The following CATSPERT variants were observed in gnomAD, a reference collection of about 807,000 sequenced individuals.
The protein encoded by CATSPERT is catsper channel auxiliary subunit tau.
the CATSPERT span, among the ~76,000 whole-genome samples, chr2:201,562,229 C>G: frequency 6.8e-6 from 1 of 147,690 alleles, no homozygotes; most frequent in East Asian, 2.0e-4. Context: ...GCACTGTCTC[C>G]CAGGCTGGAG....
At chr2:201,580,248 T>A in the CATSPERT span, among the ~76,000 whole-genome samples, 71 of 152,372 alleles carry the variant, frequency 4.7e-4, no homozygotes, top group African/African-American at 1.7e-3. Context: ...CAATTCATTA[T>A]GCTAAATTCG....
chr2:201,536,091 A>G, the CATSPERT span: 1 of 1,613,418 alleles, frequency 6.2e-7, no homozygotes, highest in Non-Finnish European at 8.5e-7. Flanking sequence ...TAATGGAAAA[A>G]ATACATTTTT....
the CATSPERT span, chr2:201,511,856 A>C: frequency 6.0e-5 from 9 of 149,682 alleles, no homozygotes; most frequent in African/African-American, 2.2e-4. Context: ...AAAAAAAAAA[A>C]AAAAAAAAAA....
chr2:201,562,810 T>G, the CATSPERT span, among the ~76,000 whole-genome samples: 1 of 115,170 alleles, frequency 8.7e-6, no homozygotes, highest in Non-Finnish European at 1.8e-5. Context: ...CAGCACATGT[T>G]TCAGAGAGCA....
chr2:201,516,918 G>A, the CATSPERT span, among the ~76,000 whole-genome samples: 2 of 137,474 alleles, frequency 1.5e-5, no homozygotes, highest in Non-Finnish European at 3.1e-5. Context: ...TAAAGCTGGA[G>A]TAATAGGAAG....
the CATSPERT span, among the ~76,000 whole-genome samples, chr2:201,562,885 A>T: frequency 6.9e-6 from 1 of 145,166 alleles, no homozygotes; most frequent in Non-Finnish European, 1.5e-5. Flanking sequence ...CTTAGTACAG[A>T]ACAAAATGAA....
the CATSPERT span, among the ~76,000 whole-genome samples, chr2:201,520,600 A>G: frequency 0.068 from 10,363 of 152,308 alleles, 451 homozygotes; most frequent in Middle Eastern, 0.11. Context: ...ATTAAAGTTC[A>G]TTGAGGGTCA....
the CATSPERT span, among the ~76,000 whole-genome samples, chr2:201,587,302 T>C: frequency 3.0e-4 from 45 of 152,306 alleles, no homozygotes; most frequent in African/African-American, 8.2e-4. Flanking sequence ...TCTAGTGCTC[T>C]TCCTTCCTGT....
the CATSPERT span, among the ~76,000 whole-genome samples, chr2:201,510,562 G>T: frequency 6.6e-6 from 1 of 152,180 alleles, no homozygotes; most frequent in Non-Finnish European, 1.5e-5. Flanking sequence ...CCACACTAGG[G>T]ATTGGGGCTG....
the CATSPERT span, chr2:201,536,284 G>C: frequency 6.8e-6 from 11 of 1,611,674 alleles, no homozygotes; most frequent in African/African-American, 1.3e-5. Flanking sequence ...TTCAAAGTTG[G>C]TATAGTCAGG....
the CATSPERT span, among the ~76,000 whole-genome samples, chr2:201,533,116 G>A: frequency 4.6e-5 from 7 of 152,218 alleles, no homozygotes; most frequent in African/African-American, 1.2e-4. Flanking sequence ...ATATTTAGAA[G>A]TGTAACATTT....
chr2:201,506,984 C>T, the CATSPERT span, among the ~76,000 whole-genome samples: 3 of 152,168 alleles, frequency 2.0e-5, no homozygotes, highest in Admixed American at 1.3e-4. Context: ...GAATCTGTAA[C>T]AAGAATGCCT....
the CATSPERT span, among the ~76,000 whole-genome samples, chr2:201,521,561 C>T: frequency 6.6e-6 from 1 of 152,198 alleles, no homozygotes; most frequent in Non-Finnish European, 1.5e-5. Context: ...ATGATGCAAT[C>T]ATCTCCCACA....
the CATSPERT span, chr2:201,534,744 T>C: frequency 2.0e-6 from 2 of 976,644 alleles, no homozygotes; most frequent in Non-Finnish European, 2.4e-6. Flanking sequence ...CATTAGGAGA[T>C]AATCACAGAT....
the CATSPERT span, among the ~76,000 whole-genome samples, chr2:201,538,900 T>C: frequency 3.3e-5 from 5 of 152,170 alleles, no homozygotes; most frequent in Non-Finnish European, 5.9e-5. Context: ...CTCCCACTTA[T>C]AAGTAAGAAC....
chr2:201,552,388 GACATT>G, the CATSPERT span, among the ~76,000 whole-genome samples: 22 of 152,136 alleles, frequency 1.4e-4, no homozygotes, highest in African/African-American at 5.3e-4. Flanking sequence ...GAAAAATTAT[GACATT>G]ACAAGAATAA....
chr2:201,592,240 A>G, the CATSPERT span, among the ~76,000 whole-genome samples: 1 of 151,368 alleles, frequency 6.6e-6, no homozygotes, highest in African/African-American at 2.4e-5. Flanking sequence ...TGAGATAATC[A>G]TGTGGTTTTT....
At chr2:201,515,136 A>T in the CATSPERT span, among the ~76,000 whole-genome samples, 14 of 147,958 alleles carry the variant, frequency 9.5e-5, no homozygotes, top group African/African-American at 5.0e-5. Flanking sequence ...AAAAACTAGT[A>T]GGGGATCAAA....
the CATSPERT span, among the ~76,000 whole-genome samples, chr2:201,573,589 C>T: frequency 6.6e-6 from 1 of 152,158 alleles, no homozygotes; most frequent in East Asian, 1.9e-4. Context: ...GAAATCCACA[C>T]TGATTTCTTG....
Sources: gnomAD v4.1 joint callset for allele counts (sites outside exome capture counted in the v4.1 genomes callset) on GRCh38, gnomAD v4.1.1 for gene constraint, MANE v1.5 for transcripts, NCBI Gene and HGNC (gene_info 2026-07-23, HGNC 2026-07-21) for gene names.